P2RY2: variants seen among roughly 807,000 people sequenced by gnomAD.
P2RY2 encodes P2Y purinoceptor 2.
For synonymous variants in P2RY2, 241 were observed against 231.9 expected (o/e 1.04, Z -0.35); for missense variants, 567 against 515.7 (o/e 1.10, Z -0.96).
intron 1 of P2RY2, among the ~76,000 whole-genome samples, chr11:73,222,759 G>A (rs748735427): frequency 1.3e-5 from 2 of 152,148 alleles, no homozygotes; most frequent in South Asian, 2.1e-4. Context: ...CTCTGCAGAA[G>A]CACTCCCTGA....
Position 73,236,769 on chromosome 11 carries a change from G to A in P2RY2, c.*1476G>A, listed in dbSNP as rs1862663775. 1 of 985,270 alleles carries A rather than the reference G, an allele frequency of 1.0e-6. No individual in the cohort carries two copies. Among genetic ancestry groups the A allele is most frequent in the Non-Finnish European group, 1.2e-6 (1 of 829,916 alleles). The allele number at this position is 985,270 out of a possible 1,614,324, so 61.0% of individuals were successfully genotyped here. On this transcript the variant is annotated 3_prime_UTR_variant, in exon 3 of 3. Transcript: ENST00000393597. ...TTCTGGGAAAATCCCAGAATGGCAG[G>A]GTGGTGCTCAGGCTGGGTCAGGACT...
intron 1 of P2RY2, among the ~76,000 whole-genome samples, chr11:73,222,222 A>G (rs1862138856): frequency 6.6e-6 from 1 of 152,016 alleles, no homozygotes; most frequent in Admixed American, 6.5e-5. Context: ...AGGTCTGAGG[A>G]GAGCCTCTGG....
rs751144768 is a variant in P2RY2, at chr11:73,235,292, A to G, written c.1133A>G (p.Ter378TrpextTer38). ...GSENTKDIRL[*>W] ...GAGAACACTAAGGACATTCGGCTGT[A>G]GGAGCAGAACACTTCAGCCTGTGCA... The change falls in exon 3 of 3, where the codon TAG (stop) becomes TGG (tryptophan). Residue 378 changes from the stop codon to tryptophan, a stop_lost. Coordinates refer to ENST00000393597, the MANE Select transcript of P2RY2 (RefSeq NM_002564.4). 3.9e-6 allele frequency: 6 copies of G among 1,549,702 alleles called. 1 individual carries two copies. Among genetic ancestry groups the G allele is most frequent in the Non-Finnish European group, 5.2e-6 (6 of 1,147,024 alleles).
At position 73,236,768 on chromosome 11, in the gene P2RY2, G is replaced by A. The variant is rs939121358; in HGVS notation, c.*1475G>A. ...CTTCTGGGAAAATCCCAGAATGGCA[G>A]GGTGGTGCTCAGGCTGGGTCAGGAC... On this transcript the variant is annotated 3_prime_UTR_variant, in exon 3 of 3. Coordinates refer to ENST00000393597, the MANE Select transcript of P2RY2 (RefSeq NM_002564.4). 1 of 985,310 alleles carries A rather than the reference G, an allele frequency of 1.0e-6. No homozygotes were observed. The highest frequency in any genetic ancestry group is 1.7e-5 in the African/African-American group (1 of 57,252). 61.0% of individuals were successfully genotyped at this position (985,310 alleles called of 1,614,324 possible).
chr11:73,222,293 C>G (rs1022250145), intron 1 of P2RY2, among the ~76,000 whole-genome samples: 1 of 152,052 alleles, frequency 6.6e-6, no homozygotes, highest in African/African-American at 2.4e-5. Flanking sequence ...AGGAGGGGGA[C>G]TCTTGCCATG....
Position 73,235,289 on chromosome 11 carries a change from T to C in P2RY2, c.1130T>C (p.Leu377Pro). The C allele has an allele frequency of 6.4e-7, 1 of 1,550,650 alleles. No individual in the cohort carries two copies. Among genetic ancestry groups the C allele is most frequent in the South Asian group, 1.2e-5 (1 of 81,186 alleles). The stretch of plus-strand genomic sequence containing the variant: ...AGCGAGAACACTAAGGACATTCGGC[T>C]GTAGGAGCAGAACACTTCAGCCTGT... The part of the protein sequence containing the change: ...AGSENTKDIR[L>P] The change falls in exon 3 of 3, where the codon CTG (leucine) becomes CCG (proline). Residue 377 changes from leucine to proline, a missense_variant. Physicochemically the swap from Leu to Pro is moderately conservative, Grantham distance 98. Coordinates refer to ENST00000393597, the MANE Select transcript of P2RY2 (RefSeq NM_002564.4).
rs1328424053 is a variant in P2RY2, at chr11:73,236,391, CAA to C, written c.*1099_*1100del. On this transcript the variant is annotated 3_prime_UTR_variant, in exon 3 of 3. Coordinates refer to ENST00000393597, the MANE Select transcript of P2RY2 (RefSeq NM_002564.4). The stretch of plus-strand genomic sequence containing the variant: ...AACAATTGGTTCTTGCAAGCAGGTA[CAA>C]GTCACTCTAGCACACCACTGGATAA... The C allele has an allele frequency of 2.8e-6, 1 of 351,358 alleles. No homozygotes were observed. The highest frequency in any genetic ancestry group is 2.2e-5 in the African/African-American group (1 of 44,850). 21.8% of individuals were successfully genotyped at this position (351,358 alleles called of 1,614,324 possible).
intron 1 of P2RY2, among the ~76,000 whole-genome samples, chr11:73,223,755 T>C (rs978012643): frequency 9.2e-5 from 14 of 152,222 alleles, no homozygotes; most frequent in African/African-American, 3.4e-4. Flanking sequence ...TTTAATTTAG[T>C]AGCATGTCTC....
Position 73,234,525 on chromosome 11 carries a change from C to T in P2RY2, c.366C>T (p.Leu122=). 1.2e-6 allele frequency: 2 copies of T among 1,610,312 alleles called. No homozygotes were observed. Among genetic ancestry groups the T allele is most frequent in the Non-Finnish European group, 8.5e-7 (1 of 1,177,562 alleles). Residue 122 remains leucine, a synonymous_variant, in exon 3 of 3, where the codon CTC becomes CTT. Transcript: ENST00000393597. Reference sequence around the variant, plus strand: ...ACACCAACCTTTACTGCAGCATCCTCTTCCTCACCTGCATCAGCGTGCACC... The same window carrying T: ...ACACCAACCTTTACTGCAGCATCCTTTTCCTCACCTGCATCAGCGTGCACC... The part of the protein sequence containing the change: ...LFYTNLYCSI[L]FLTCISVHRC...
chr11:73,220,000 T>C lies in P2RY2; in HGVS notation c.-200+1568T>C, dbSNP rs147520722. 4.2e-3 allele frequency among the ~76,000 whole-genome samples: 635 copies of C among 152,346 alleles called. 4 individuals are homozygous for C. The highest frequency in any genetic ancestry group is 0.015 in the African/African-American group (605 of 41,574). ...TCTCCTCCTTTCCTCTTCCCAGGTC[T>C]AGGGGCTCCTGGAGGGCAGAAACTG... On this transcript the variant is annotated intron_variant, in intron 1 of 2. Coordinates refer to ENST00000393597, the MANE Select transcript of P2RY2 (RefSeq NM_002564.4).
chr11:73,232,583 A>G (rs1862490475), intron 2 of P2RY2, among the ~76,000 whole-genome samples: 3 of 151,886 alleles, frequency 2.0e-5, no homozygotes, highest in Non-Finnish European at 4.4e-5. Flanking sequence ...GTGTGTGTGT[A>G]TTTTTAGTAG....
intron 2 of P2RY2, among the ~76,000 whole-genome samples, chr11:73,228,993 C>CTTCATTCA (rs58289514): frequency 0.024 from 3,554 of 150,198 alleles, 86 homozygotes; most frequent in African/African-American, 0.064. Flanking sequence ...CTTGTGCTTG[C>CTTCATTCA]TTCATTCATT....
chr11:73,225,190 A>C (rs1412179774), intron 1 of P2RY2, among the ~76,000 whole-genome samples: 1 of 152,218 alleles, frequency 6.6e-6, no homozygotes, highest in Non-Finnish European at 1.5e-5. Context: ...GAGCCACTCT[A>C]GTGGAGGGGC....
Position 73,234,445 on chromosome 11 carries a change from G to A in P2RY2, c.286G>A (p.Gly96Ser), listed in dbSNP as rs200602727. 7.9e-5 allele frequency: 127 copies of A among 1,613,990 alleles called. No individual in the cohort carries two copies. Among genetic ancestry groups the A allele is most frequent in the Non-Finnish European group, 9.5e-5 (112 of 1,180,040 alleles). The change falls in exon 3 of 3, where the codon GGC becomes AGC. Residue 96 changes from glycine to serine, a missense_variant. Coordinates refer to ENST00000393597, the MANE Select transcript of P2RY2 (RefSeq NM_002564.4). ...GCTGCTGGTCTATTACTACGCCCGC[G>A]GCGACCACTGGCCCTTCAGCACGGT... ...LPLLVYYYAR[G>S]DHWPFSTVLC...
At chr11:73,230,340 C>T (rs1487289504) in intron 2 of P2RY2, among the ~76,000 whole-genome samples, 2 of 151,926 alleles carry the variant, frequency 1.3e-5, no homozygotes, top group Non-Finnish European at 1.5e-5. Flanking sequence ...CCCTGCTTGG[C>T]TCTCAGTGTC....
intron 1 of P2RY2, among the ~76,000 whole-genome samples, chr11:73,219,521 C>T (rs1189439920): frequency 1.3e-5 from 2 of 152,182 alleles, no homozygotes; most frequent in Non-Finnish European, 1.5e-5. Flanking sequence ...CCAGTGTCCC[C>T]CCATGGGCAG....
intron 1 of P2RY2, among the ~76,000 whole-genome samples, chr11:73,222,401 C>T (rs980070990): frequency 6.6e-6 from 1 of 152,088 alleles, no homozygotes; most frequent in Admixed American, 6.5e-5. Flanking sequence ...CCTCCAGACT[C>T]CCTGTCCCAT....
At chr11:73,233,636 G>A (rs927453452) in intron 2 of P2RY2, among the ~76,000 whole-genome samples, 9 of 152,214 alleles carry the variant, frequency 5.9e-5, no homozygotes, top group South Asian at 2.1e-4. Flanking sequence ...CTGGGACTAC[G>A]GGTGTGTGCC....
chr11:73,233,895 C>T (rs899649124), intron 2 of P2RY2: 2 of 521,548 alleles, frequency 3.8e-6, no homozygotes, highest in Admixed American at 3.5e-5. Flanking sequence ...CCGTTGTGTT[C>T]CAACAAAGCT....
Sources: gnomAD v4.1 joint callset for allele counts (sites outside exome capture counted in the v4.1 genomes callset) on GRCh38, gnomAD v4.1.1 for gene constraint, MANE v1.5 for transcripts, NCBI Gene and HGNC (gene_info 2026-07-23, HGNC 2026-07-21) for gene names.